Variants in EYS observed in about 807,000 individuals in gnomAD.
EYS encodes the protein protein eyes shut homolog.
EYS carries 250 observed loss-of-function variants against 282.1 expected under a neutral mutation model. That is an observed-to-expected ratio of 0.89 (90% CI 0.80 to 0.98). The LOEUF (loss-of-function observed/expected upper bound fraction) is 0.98, where lower values mean the gene tolerates loss of function less well. EYS is among the 50% of genes least tolerant of loss of function. EYS has a pLI of 0.00. For missense variants in EYS, 4,016 were observed against 3,709.0 expected (o/e 1.08, Z -2.15); for synonymous variants, 1,355 against 1,282.9 (o/e 1.06, Z -1.20).
chr6:63,987,762 A>G (rs894379399), intron 34 of EYS, among the ~76,000 whole-genome samples: 5 of 151,640 alleles, frequency 3.3e-5, no homozygotes, highest in African/African-American at 1.2e-4. Context: ...GAATTAAAAA[A>G]CTAAAGCCAA....
intron 35 of EYS, among the ~76,000 whole-genome samples, chr6:63,959,340 A>G (rs1765957805): frequency 6.6e-6 from 1 of 152,188 alleles, no homozygotes. Flanking sequence ...CAGAATAGTG[A>G]TTATTAAAAA....
chr6:64,152,113 T>A (rs1247908100), intron 31 of EYS, among the ~76,000 whole-genome samples: 2 of 152,164 alleles, frequency 1.3e-5, no homozygotes, highest in East Asian at 3.8e-4. Context: ...TCTTGTTTAC[T>A]CGAAATCCAA....
intron 36 of EYS, among the ~76,000 whole-genome samples, chr6:63,858,559 G>A (rs571039487): frequency 6.6e-6 from 1 of 152,192 alleles, no homozygotes; most frequent in African/African-American, 2.4e-5. Flanking sequence ...AATAAAAAGT[G>A]CAGGCCATTC....
rs2150327287 is a variant in EYS at position 65,353,573 on chromosome 6, C to T, written c.1344G>A (p.Leu448=). The part of the protein sequence containing the change: ...PGCTKNPCWF[L]KNVYLIHQHL... Reference sequence around the variant, plus strand: ...GTTGATGAATTAGGTAAACATTCTTCAAAAACCAACATGGATTTTTTGTGC... The same window carrying T: ...GTTGATGAATTAGGTAAACATTCTTTAAAAACCAACATGGATTTTTTGTGC... The change falls in exon 9 of 43, where the codon TTG becomes TTA. Residue 448 remains leucine, a synonymous_variant. Transcript: ENST00000503581. 2 of 1,613,128 alleles carry T rather than the reference C, an allele frequency of 1.2e-6. No individual in the cohort carries two copies. Among genetic ancestry groups the T allele is most frequent in the Non-Finnish European group, 1.7e-6 (2 of 1,179,432 alleles).
At chr6:64,853,856 A>G (rs1765962513) in intron 19 of EYS, among the ~76,000 whole-genome samples, 1 of 152,142 alleles carries the variant, frequency 6.6e-6, no homozygotes. Context: ...CTCATCTGAC[A>G]AAGGGCTAAT....
chr6:63,825,742 A>G (rs1401323063), intron 36 of EYS, among the ~76,000 whole-genome samples: 3 of 152,204 alleles, frequency 2.0e-5, no homozygotes, highest in Non-Finnish European at 4.4e-5. Flanking sequence ...TGATCTGAAC[A>G]ACAGCCTTCG....
chr6:64,575,762 T>C (rs1765861904), intron 26 of EYS, among the ~76,000 whole-genome samples: 1 of 152,098 alleles, frequency 6.6e-6, no homozygotes, highest in Non-Finnish European at 1.5e-5. Flanking sequence ...TTTCAAGTAC[T>C]CTAAGCTTAA....
chr6:65,579,040 G>C (rs529251680), intron 2 of EYS, among the ~76,000 whole-genome samples: 1 of 152,228 alleles, frequency 6.6e-6, no homozygotes, highest in Non-Finnish European at 1.5e-5. Flanking sequence ...ATTTTGTCCA[G>C]TTACTTTTGC....
At chr6:64,342,581 G>C (rs1051640083) in intron 29 of EYS, among the ~76,000 whole-genome samples, 3 of 151,912 alleles carry the variant, frequency 2.0e-5, no homozygotes, top group African/African-American at 7.2e-5. Flanking sequence ...AACATGGAAA[G>C]GAACAACCGG....
At position 64,868,885 on chromosome 6, in the gene EYS, G is replaced by A. The variant is rs1030847913; in HGVS notation, c.2992+17812C>T. ...GATTACTACAAACGGACTTGCACGAGACTTTTTAAGCTCAGTGTTCTTTCC... is the reference window on the plus strand; with the variant it reads ...GATTACTACAAACGGACTTGCACGAAACTTTTTAAGCTCAGTGTTCTTTCC... On this transcript the variant is annotated intron_variant, in intron 19 of 42. Transcript: ENST00000503581. Among the ~76,000 whole-genome samples the A allele has an allele frequency of 4.6e-5, 7 of 151,398 alleles. No homozygotes were observed. The South Asian group carries it at 1.4e-3, about 31-fold the overall frequency.
At chr6:65,580,833 C>G (rs182820712) in intron 2 of EYS, among the ~76,000 whole-genome samples, 40 of 152,138 alleles carry the variant, frequency 2.6e-4, no homozygotes, top group Non-Finnish European at 4.9e-4. Flanking sequence ...CTTCAAGTGT[C>G]ATGTCTCCCC....
At chr6:65,121,876 C>A (rs1474225879) in intron 12 of EYS, among the ~76,000 whole-genome samples, 4 of 152,046 alleles carry the variant, frequency 2.6e-5, no homozygotes, top group Non-Finnish European at 4.4e-5. Context: ...TTAGTCTCAC[C>A]TTTACTTATT....
At chr6:65,319,984 T>A (rs1769426120) in intron 11 of EYS, among the ~76,000 whole-genome samples, 1 of 151,912 alleles carries the variant, frequency 6.6e-6, no homozygotes, top group African/African-American at 2.4e-5. Flanking sequence ...TACTCTTTTG[T>A]CTTTCCTACC....
chr6:64,042,500 T>C (rs1770434933), intron 33 of EYS, among the ~76,000 whole-genome samples: 1 of 152,184 alleles, frequency 6.6e-6, no homozygotes, highest in Non-Finnish European at 1.5e-5. Context: ...GAAGTGCATG[T>C]TTCTCCACTG....
At chr6:65,124,500 T>C (rs1581931693) in intron 12 of EYS, among the ~76,000 whole-genome samples, 1 of 152,184 alleles carries the variant, frequency 6.6e-6, no homozygotes, top group African/African-American at 2.4e-5. Flanking sequence ...GTTTTGTACT[T>C]ACATTTGAGG....
chr6:65,481,909 G>A (rs2127255997), intron 5 of EYS, among the ~76,000 whole-genome samples: 1 of 152,130 alleles, frequency 6.6e-6, no homozygotes, highest in Non-Finnish European at 1.5e-5. Context: ...AGAACACTTG[G>A]AAATAATGTT....
chr6:64,096,825 G>C (rs1308055816), intron 31 of EYS, among the ~76,000 whole-genome samples: 1 of 152,196 alleles, frequency 6.6e-6, no homozygotes, highest in Non-Finnish European at 1.5e-5. Flanking sequence ...GAGGAGAGCT[G>C]CTCTGGTTTT....
intron 22 of EYS, among the ~76,000 whole-genome samples, chr6:64,741,941 A>G (rs1468469038): frequency 6.6e-6 from 1 of 152,136 alleles, no homozygotes; most frequent in Non-Finnish European, 1.5e-5. Flanking sequence ...CTTACTATTT[A>G]CACGTTCACT....
chr6:64,149,050 G>A (rs1351564795), intron 31 of EYS, among the ~76,000 whole-genome samples: 2 of 152,066 alleles, frequency 1.3e-5, no homozygotes, highest in Non-Finnish European at 1.5e-5. Flanking sequence ...ATATGGTACA[G>A]CATTTTCCTT....
Sources: allele counts gnomAD v4.1 joint callset (sites outside exome capture counted in the v4.1 genomes callset), GRCh38; gene constraint gnomAD v4.1.1; transcripts MANE v1.5; gene names NCBI Gene and HGNC (gene_info 2026-07-23, HGNC 2026-07-21).